The following CYTH3 variants were observed in gnomAD, a reference collection of about 807,000 sequenced individuals.
CYTH3 encodes the protein cytohesin 3.
A neutral mutation model predicts 55.1 loss-of-function variants in CYTH3; 23 were observed. The ratio of observed to expected loss-of-function variants is 0.42; its 90% CI spans 0.30 to 0.59. The LOEUF is 0.59. CYTH3 is among the 20% of genes least tolerant of loss of function. The pLI is 0.20. For missense variants in CYTH3, 413 were observed against 524.8 expected, an observed-to-expected ratio of 0.79 and a Z score of 2.08; for synonymous variants, 249 against 194.9, an observed-to-expected ratio of 1.28 and a Z score of -2.31.
chr7:6,185,288 A>C (rs1388975025), intron 4 of CYTH3, among the ~76,000 whole-genome samples: 2 of 152,212 alleles, frequency 1.3e-5, no homozygotes, highest in Non-Finnish European at 2.9e-5. Flanking sequence ...CTGGGCCTTA[A>C]GAAAATCCAG....
At chr7:6,243,457 T>TA (rs1779724860) in intron 1 of CYTH3, among the ~76,000 whole-genome samples, 1 of 152,166 alleles carries the variant, frequency 6.6e-6, no homozygotes, top group Non-Finnish European at 1.5e-5. Flanking sequence ...ATGGTGAAGT[T>TA]AAGCACACTT....
chr7:6,186,792 G>A (rs556409978), intron 4 of CYTH3, among the ~76,000 whole-genome samples: 212 of 152,296 alleles, frequency 1.4e-3, no homozygotes, highest in Middle Eastern at 6.8e-3. Flanking sequence ...CGTCCAAGCC[G>A]TGCCTGTGAG....
intron 1 of CYTH3, among the ~76,000 whole-genome samples, chr7:6,253,785 C>A (rs1413942765): frequency 1.3e-5 from 2 of 151,612 alleles, no homozygotes; most frequent in East Asian, 3.9e-4. Context: ...GACTGCACTC[C>A]AGCCTGGGTG....
chr7:6,164,841 C>T lies in CYTH3; in HGVS notation c.*103G>A, dbSNP rs1446335726. 15 of 1,282,566 alleles carry T rather than the reference C, an allele frequency of 1.2e-5. No homozygotes were observed. Among genetic ancestry groups the T allele is most frequent in the Admixed American group, 1.7e-5 (1 of 58,064 alleles). The allele number at this position is 1,282,566 out of a possible 1,614,324, so 79.4% of individuals were successfully genotyped here. On this transcript the variant is annotated 3_prime_UTR_variant, in exon 13 of 13. Transcript: ENST00000350796. ...GTATGCTCTGGAGCAGCAGCTTGCA[C>T]CGCAGGGCGACTGCCTCCCTGCCAC...
chr7:6,215,353 T>G (rs993234016), intron 1 of CYTH3, among the ~76,000 whole-genome samples: 7 of 151,846 alleles, frequency 4.6e-5, no homozygotes, highest in Non-Finnish European at 8.8e-5. Flanking sequence ...AACTTTGGGA[T>G]GCCGAGGCGG....
At chr7:6,248,185 GCTTTATT>G (rs1396736559) in intron 1 of CYTH3, among the ~76,000 whole-genome samples, 1 of 147,616 alleles carries the variant, frequency 6.8e-6, no homozygotes, top group Non-Finnish European at 1.5e-5. Context: ...GAAACATGTT[GCTTTATT>G]CTTTATTTCT....
chr7:6,239,482 G>A (rs2128555124), intron 1 of CYTH3, among the ~76,000 whole-genome samples: 1 of 152,188 alleles, frequency 6.6e-6, no homozygotes. Context: ...CCATATGGAG[G>A]GTCCAAGTGA....
intron 1 of CYTH3, among the ~76,000 whole-genome samples, chr7:6,241,299 A>C (rs1779667068): frequency 6.6e-6 from 1 of 152,234 alleles, no homozygotes; most frequent in Non-Finnish European, 1.5e-5. Flanking sequence ...CGAGAATTTG[A>C]AAAAGACTAA....
intron 1 of CYTH3, among the ~76,000 whole-genome samples, chr7:6,265,586 T>TCCAGC (rs1472870093): frequency 1.4e-5 from 2 of 142,066 alleles, no homozygotes; most frequent in Non-Finnish European, 3.0e-5. Context: ...TCCACTGCAC[T>TCCAGC]CCAGCCCAGG....
chr7:6,249,406 G>A (rs1779904014), intron 1 of CYTH3, among the ~76,000 whole-genome samples: 1 of 152,226 alleles, frequency 6.6e-6, no homozygotes, highest in South Asian at 2.1e-4. Flanking sequence ...AAATGCTGTA[G>A]ACTCCTCAAA....
chr7:6,231,463 G>A (rs1249436994), intron 1 of CYTH3, among the ~76,000 whole-genome samples: 5 of 152,124 alleles, frequency 3.3e-5, no homozygotes, highest in African/African-American at 4.8e-5. Flanking sequence ...TGGTGAGGCC[G>A]GGGTGTCTCC....
chr7:6,244,300 A>G (rs1779750606), intron 1 of CYTH3, among the ~76,000 whole-genome samples: 1 of 152,254 alleles, frequency 6.6e-6, no homozygotes, highest in South Asian at 2.1e-4. Context: ...ACGTAACTCA[A>G]CTTCGTGGCA....
At chr7:6,235,326 A>G (rs1779491606) in intron 1 of CYTH3, among the ~76,000 whole-genome samples, 1 of 151,978 alleles carries the variant, frequency 6.6e-6, no homozygotes, top group South Asian at 2.1e-4. Flanking sequence ...AAAATACAAA[A>G]ATTATCTGGG....
intron 1 of CYTH3, among the ~76,000 whole-genome samples, chr7:6,255,013 T>C (rs1257324156): frequency 6.6e-6 from 1 of 152,226 alleles, no homozygotes; most frequent in African/African-American, 2.4e-5. Context: ...CTCACTCTAC[T>C]CAGTATGTAA....
rs1283669312 is a variant in CYTH3 at position 6,170,705 on chromosome 7, CAG to C, written c.712-61_712-60del. On this transcript the variant is annotated intron_variant, in intron 8 of 12. Transcript: ENST00000350796. The surrounding 1 kb of genome is among the most constrained non-coding windows in gnomAD (Gnocchi z 7.8). The stretch of plus-strand genomic sequence containing the variant: ...ACTCGGAGGAAAATGGCTGGCCGGG[CAG>C]AAAGCTCAGCGGGACCAGGGCGGCA... 1.9e-6 allele frequency: 3 copies of C among 1,581,886 alleles called. No individual in the cohort carries two copies. Among genetic ancestry groups the C allele is most frequent in the African/African-American group, 1.3e-5 (1 of 74,232 alleles).
intron 1 of CYTH3, among the ~76,000 whole-genome samples, chr7:6,217,066 C>T (rs1784444682): frequency 6.6e-6 from 1 of 152,010 alleles, no homozygotes; most frequent in Non-Finnish European, 1.5e-5. Flanking sequence ...GCGTGTGCCA[C>T]CACACCCAGC....
In CYTH3 at chr7:6,259,834, T is replaced by TA. The variant is rs58539237; in HGVS notation, c.34+12639_34+12640insT. On this transcript the variant is annotated intron_variant, in intron 1 of 12. Transcript: ENST00000350796. Reference sequence around the variant, plus strand: ...ATATAATATATATATATATATATATTTTTTTTTTTTTTTAAGACGGATTTT... The same window carrying TA: ...ATATAATATATATATATATATATATTATTTTTTTTTTTTTAAGACGGATTTT... Among the ~76,000 whole-genome samples the TA allele has an allele frequency of 1.3e-3, 22 of 16,542 alleles. 2 individuals carry two copies. The highest frequency in any genetic ancestry group is 0.011 in the East Asian group (4 of 356). The allele number at this position is 16,542 out of a possible 152,430, so 10.9% of individuals were successfully genotyped here.
At chr7:6,267,579 A>G (rs936962451) in intron 1 of CYTH3, among the ~76,000 whole-genome samples, 1 of 152,220 alleles carries the variant, frequency 6.6e-6, no homozygotes, top group African/African-American at 2.4e-5. Flanking sequence ...GTCGCCAGGC[A>G]GTGGCGCTAT....
chr7:6,217,318 C>T (rs1193549083), intron 1 of CYTH3, among the ~76,000 whole-genome samples: 1 of 152,042 alleles, frequency 6.6e-6, no homozygotes, highest in Non-Finnish European at 1.5e-5. Context: ...ATGCTGTCTA[C>T]AAAAAACTCA....
Sources: gnomAD v4.1 joint callset for allele counts (sites outside exome capture counted in the v4.1 genomes callset) on GRCh38, gnomAD v4.1.1 for gene constraint, Gnocchi (gnomAD v3.1) non-coding constraint, MANE v1.5 for transcripts, NCBI Gene and HGNC (gene_info 2026-07-23, HGNC 2026-07-21) for gene names.